PRRC2B: variants seen among roughly 807,000 people sequenced by gnomAD.
The protein encoded by PRRC2B is proline rich coiled-coil 2B.
A neutral mutation model predicts 242.3 loss-of-function variants in PRRC2B; 68 were observed. That is an observed-to-expected ratio of 0.28 (90% CI 0.23 to 0.34). The LOEUF (loss-of-function observed/expected upper bound fraction) is 0.34, where lower values mean the gene tolerates loss of function less well. PRRC2B is among the 10% of genes least tolerant of loss of function. The pLI, the probability that PRRC2B is intolerant of heterozygous loss-of-function variation, is 1.00. For synonymous variants in PRRC2B, 1,228 were observed against 1,173.6 expected, an observed-to-expected ratio of 1.05 and a Z score of -0.95; for missense variants, 2,835 against 2,954.8, an observed-to-expected ratio of 0.96 and a Z score of 0.94.
Position 131,475,935 on chromosome 9 carries a change from G to C in PRRC2B, c.3806G>C (p.Arg1269Pro). 2 of 1,613,816 alleles carry C rather than the reference G, an allele frequency of 1.2e-6. No individual in the cohort carries two copies. Among genetic ancestry groups the C allele is most frequent in the Non-Finnish European group, 1.7e-6 (2 of 1,179,790 alleles). ...SYRHPDAFGG[R>P]GFEDSRAEDK... ...AGACACCCTGACGCATTTGGTGGCC[G>C]GGGCTTTGAGGACAGCCGCGCGGAG... The change falls in exon 16 of 32, where the codon CGG (arginine) becomes CCG (proline). Residue 1269 changes from arginine to proline, a missense_variant. Physicochemically the swap from Arg to Pro is moderately radical, Grantham distance 103 (BLOSUM62 -2). Transcript: ENST00000683519.
At position 131,439,074 on chromosome 9, in the gene PRRC2B, G is replaced by C. The variant is rs772041005; in HGVS notation, c.469+13G>C. On this transcript the variant is annotated intron_variant, in intron 5 of 31. Transcript: ENST00000683519. The stretch of plus-strand genomic sequence containing the variant: ...GGACACGAAGGTGGTAAGTGCGCAC[G>C]TGTGTGTGTTGTTTGGGGACGCTGG... 6.2e-7 allele frequency: 1 copy of C among 1,609,876 alleles called. No homozygotes were observed. The highest frequency in any genetic ancestry group is 1.7e-5 in the Admixed American group (1 of 59,828).
chr9:131,482,676 C>CTG lies in PRRC2B; in HGVS notation c.5176-28_5176-27dup, dbSNP rs758329897. On this transcript the variant is annotated intron_variant, in intron 21 of 31. Transcript: ENST00000683519. This position sits in a 1 kb window ranked among gnomAD's most constrained non-coding sequence, Gnocchi z 5.2. ...AGCTAGAGAGTGTGGTCATTCCAGT[C>CTG]TGTGTGTCTCCACCTCTCTGCTTTT... is the stretch of plus-strand genomic sequence containing the variant. The CTG allele has an allele frequency of 3.9e-6, 6 of 1,531,430 alleles. No individual in the cohort carries two copies. Among genetic ancestry groups the CTG allele is most frequent in the Non-Finnish European group, 5.3e-6 (6 of 1,139,634 alleles). 94.9% of individuals were successfully genotyped at this position (1,531,430 alleles called of 1,614,324 possible).
At chr9:131,456,934 C>T (rs1302667633) in intron 10 of PRRC2B, among the ~76,000 whole-genome samples, 20 of 152,164 alleles carry the variant, frequency 1.3e-4, no homozygotes, top group African/African-American at 4.8e-5. Context: ...CACTGCTTTC[C>T]GTTAAAATGT....
At chr9:131,477,258 A>G (rs554783795) in intron 16 of PRRC2B, among the ~76,000 whole-genome samples, 5 of 151,944 alleles carry the variant, frequency 3.3e-5, no homozygotes, top group Admixed American at 6.5e-5. Context: ...TCACACCTCC[A>G]CTCTCCTTAG....
intron 1 of PRRC2B, among the ~76,000 whole-genome samples, chr9:131,377,146 C>T (rs924906034): frequency 7.2e-5 from 11 of 151,758 alleles, no homozygotes; most frequent in East Asian, 1.9e-4. Flanking sequence ...GACGGAGTCT[C>T]GCTTTGTCAC....
intron 5 of PRRC2B, among the ~76,000 whole-genome samples, chr9:131,441,993 C>G (rs1460985149): frequency 6.7e-6 from 1 of 150,102 alleles, no homozygotes; most frequent in Non-Finnish European, 1.5e-5. Flanking sequence ...TTTTTTTTTC[C>G]TACCCTTTAT....
At chr9:131,445,466 A>G (rs547364836) in intron 6 of PRRC2B, among the ~76,000 whole-genome samples, 15 of 152,314 alleles carry the variant, frequency 9.8e-5, no homozygotes, top group African/African-American at 3.6e-4. Context: ...GCCTGTTTGC[A>G]TCATTTTAAG....
rs1837239287 is a variant in PRRC2B at position 131,402,016 on chromosome 9, G to A, written c.-52+7753G>A. ...GACAGAGTCTCGTTATGTCTCCCAG[G>A]CTGGAGTGCAATGGCACGATCTCGG... On this transcript the variant is annotated intron_variant, in intron 1 of 31. Coordinates refer to ENST00000683519, the MANE Select transcript of PRRC2B (RefSeq NM_013318.4). 2.0e-5 allele frequency among the ~76,000 whole-genome samples: 3 copies of A among 151,610 alleles called. 1 individual carries two copies. Among genetic ancestry groups the A allele is most frequent in the South Asian group, 4.2e-4 (2 of 4,806 alleles).
chr9:131,382,972 C>A (rs559019398), intron 1 of PRRC2B, among the ~76,000 whole-genome samples: 1 of 152,310 alleles, frequency 6.6e-6, no homozygotes, highest in Admixed American at 6.5e-5. Flanking sequence ...AGGAGTGCAC[C>A]TCCCCTCAGG....
At chr9:131,477,482 C>T (rs1031117557) in intron 16 of PRRC2B, among the ~76,000 whole-genome samples, 3 of 152,204 alleles carry the variant, frequency 2.0e-5, no homozygotes, top group African/African-American at 7.2e-5. Flanking sequence ...CTCCCCCCTA[C>T]ACTCTGAACA....
chr9:131,448,543 C>CAAAAAAAAAAAAAAAAAAAA (rs754661321), intron 9 of PRRC2B, among the ~76,000 whole-genome samples: 400 of 39,888 alleles, frequency 0.01, 131 homozygotes, highest in South Asian at 0.015. Flanking sequence ...GACACTGTCT[C>CAAAAAAAAAAAAAAAAAAAA]AAAAAAAAAA....
intron 1 of PRRC2B, among the ~76,000 whole-genome samples, chr9:131,403,000 T>A (rs1416409531): frequency 6.6e-6 from 1 of 152,224 alleles, no homozygotes; most frequent in Non-Finnish European, 1.5e-5. Context: ...AACCATGGGA[T>A]GGATCGCTGC....
chr9:131,379,326 G>A (rs1836725652), intron 1 of PRRC2B, among the ~76,000 whole-genome samples: 1 of 152,140 alleles, frequency 6.6e-6, no homozygotes, highest in Non-Finnish European at 1.5e-5. Context: ...GAATTTCTGG[G>A]TCATATGAGA....
chr9:131,490,664 A>G, intron 28 of PRRC2B: 1 of 510,878 alleles, frequency 2.0e-6, no homozygotes, highest in East Asian at 5.5e-5. Flanking sequence ...TGTTCTAGTT[A>G]GTTAGGCCCT....
At chr9:131,478,123 C>T (rs1369940569) in intron 17 of PRRC2B, among the ~76,000 whole-genome samples, 174 bp downstream of exon 17, 4 of 152,152 alleles carry the variant, frequency 2.6e-5, no homozygotes, top group African/African-American at 9.7e-5. Flanking sequence ...GTAGGATTCC[C>T]ACCGAGTGTT....
intron 19 of PRRC2B, among the ~76,000 whole-genome samples, chr9:131,480,677 C>T (rs1397909207): frequency 6.6e-6 from 1 of 151,722 alleles, no homozygotes; most frequent in East Asian, 1.9e-4. Context: ...ACTTGAACCC[C>T]TGGGTTCAAG....
chr9:131,394,573 C>A (rs1836989119), intron 1 of PRRC2B, among the ~76,000 whole-genome samples: 1 of 150,524 alleles, frequency 6.6e-6, no homozygotes, highest in East Asian at 2.0e-4. Context: ...AGGGCTCGCC[C>A]GCCACCCCCG....
At chr9:131,387,719 C>A (rs1420046153) in intron 1 of PRRC2B, among the ~76,000 whole-genome samples, 1 of 132,560 alleles carries the variant, frequency 7.5e-6, no homozygotes, top group Non-Finnish European at 1.7e-5. Context: ...GCCCCTGTGC[C>A]ACCACCGAGA....
intron 1 of PRRC2B, among the ~76,000 whole-genome samples, chr9:131,397,171 A>G (rs1837083841): frequency 6.6e-6 from 1 of 152,186 alleles, no homozygotes; most frequent in Non-Finnish European, 1.5e-5. Context: ...CTGGTTAGTT[A>G]GGCCAGGAGA....
Sources: gnomAD v4.1 joint callset for allele counts (sites outside exome capture counted in the v4.1 genomes callset) on GRCh38, gnomAD v4.1.1 for gene constraint, Gnocchi (gnomAD v3.1) non-coding constraint, MANE v1.5 for transcripts, NCBI Gene and HGNC (gene_info 2026-07-23, HGNC 2026-07-21) for gene names.